GFRA1: variants seen among roughly 807,000 people sequenced by gnomAD.
The protein encoded by GFRA1 is GDNF family receptor alpha-1.
Under a neutral mutation model 51.6 loss-of-function variants are expected in GFRA1, and 16 were observed. The ratio of observed to expected loss-of-function variants is 0.31; its 90% CI spans 0.21 to 0.47. The LOEUF (loss-of-function observed/expected upper bound fraction) is 0.47. Among genes scored for constraint, GFRA1 ranks in the 20% least tolerant of loss-of-function variants. The pLI, the probability that GFRA1 is intolerant of heterozygous loss-of-function variation, is 1.00. For missense variants in GFRA1, 530 were observed against 594.3 expected (o/e 0.89, Z 1.13); for synonymous variants, 270 against 241.3 (o/e 1.12, Z -1.10).
chr10:116,147,267 T>C (rs1252445681), intron 5 of GFRA1, among the ~76,000 whole-genome samples: 2 of 151,534 alleles, frequency 1.3e-5, no homozygotes, highest in East Asian at 3.9e-4. Context: ...CTAATGGGAG[T>C]TCTGCAGAAA....
chr10:116,265,677 G>A (rs1258396848), intron 4 of GFRA1, among the ~76,000 whole-genome samples: 1 of 152,210 alleles, frequency 6.6e-6, no homozygotes, highest in Non-Finnish European at 1.5e-5. Flanking sequence ...ATGCTAAACA[G>A]TGCATTGCGC....
intron 9 of GFRA1, among the ~76,000 whole-genome samples, chr10:116,068,653 G>T (rs1319080845): frequency 6.6e-6 from 1 of 152,188 alleles, no homozygotes; most frequent in Non-Finnish European, 1.5e-5. Context: ...TACCTCTGCA[G>T]ATCCAGAGTC....
chr10:116,086,592 T>C (rs1956110024), intron 9 of GFRA1, among the ~76,000 whole-genome samples: 1 of 152,164 alleles, frequency 6.6e-6, no homozygotes, highest in Admixed American at 6.5e-5. Context: ...AAGGGGCTCA[T>C]GCAGGTCGTC....
chr10:116,135,542 T>A (rs192516540), intron 5 of GFRA1, among the ~76,000 whole-genome samples: 1 of 152,236 alleles, frequency 6.6e-6, no homozygotes, highest in African/African-American at 2.4e-5. Flanking sequence ...TTCTAAAATA[T>A]GCATGTCTCC....
At position 116,184,031 on chromosome 10, in the gene GFRA1, G is replaced by A. The variant is rs545208728; in HGVS notation, c.433+27600C>T. Among the ~76,000 whole-genome samples, 46 of 152,350 alleles carry A rather than the reference G, an allele frequency of 3.0e-4. 1 individual carries two copies. The highest frequency in any genetic ancestry group is 9.6e-4 in the African/African-American group (40 of 41,582). ...CTCCAGGGCACTGGCTGCTGGAAGT[G>A]CTTCCCGAGGCTGCATGGAACATTT... On this transcript the variant is annotated intron_variant, in intron 5 of 10. Coordinates refer to ENST00000355422, the MANE Select transcript of GFRA1 (RefSeq NM_005264.8).
At chr10:116,163,079 A>T (rs1431240307) in intron 5 of GFRA1, among the ~76,000 whole-genome samples, 2 of 151,984 alleles carry the variant, frequency 1.3e-5, no homozygotes, top group Admixed American at 6.6e-5. Context: ...ACTCTTAATC[A>T]CCCCAGGCCT....
chr10:116,138,874 T>G (rs1427369347), intron 5 of GFRA1, among the ~76,000 whole-genome samples: 1 of 152,194 alleles, frequency 6.6e-6, no homozygotes, highest in Non-Finnish European at 1.5e-5. Context: ...GTATAACTCT[T>G]GTTAGATTCC....
intron 6 of GFRA1, among the ~76,000 whole-genome samples, chr10:116,116,545 A>T (rs188817737): frequency 6.6e-6 from 1 of 152,318 alleles, no homozygotes; most frequent in Non-Finnish European, 1.5e-5. Context: ...CATGCCTGGG[A>T]GGGGGTGCAC....
chr10:116,219,051 C>A (rs881042), intron 4 of GFRA1, among the ~76,000 whole-genome samples: 1 of 151,918 alleles, frequency 6.6e-6, no homozygotes, highest in East Asian at 1.9e-4. Flanking sequence ...GCTACATTTA[C>A]TAGGGAATGT....
chr10:116,223,615 A>G (rs934419648), intron 4 of GFRA1, among the ~76,000 whole-genome samples: 2 of 152,166 alleles, frequency 1.3e-5, no homozygotes, highest in Non-Finnish European at 2.9e-5. Flanking sequence ...AGCTGAGAAC[A>G]CCTTGCAAAA....
chr10:116,255,668 C>T, intron 4 of GFRA1: 1 of 1,287,952 alleles, frequency 7.8e-7, no homozygotes, highest in East Asian at 5.6e-5. Context: ...ACATTCCGGT[C>T]TCTGCCATCC....
chr10:116,265,164 G>T (rs964622651), intron 4 of GFRA1, among the ~76,000 whole-genome samples: 3 of 152,162 alleles, frequency 2.0e-5, no homozygotes, highest in Non-Finnish European at 4.4e-5. Flanking sequence ...ACTTGGGAAC[G>T]AATCTGGAGA....
At chr10:116,105,844 A>T (rs1220694658) in intron 6 of GFRA1, among the ~76,000 whole-genome samples, 1 of 152,216 alleles carries the variant, frequency 6.6e-6, no homozygotes, top group African/African-American at 2.4e-5. Flanking sequence ...GGCAGGCAGA[A>T]TGCCTACCTT....
Position 116,272,178 on chromosome 10 carries a change from C to T in GFRA1, c.-149G>A, listed in dbSNP as rs1321934833. 5.4e-6 allele frequency: 4 copies of T among 744,608 alleles called. No individual in the cohort carries two copies. The highest frequency in any genetic ancestry group is 9.1e-6 in the Non-Finnish European group (4 of 437,556). 46.1% of individuals were successfully genotyped at this position (744,608 alleles called of 1,614,324 possible). Reference sequence around the variant, plus strand: ...CAGCTCCATCCAGTGAAAGAGGAAACTCCGGGTCTGGCAGCAGCCACCGCC... The same window carrying T: ...CAGCTCCATCCAGTGAAAGAGGAAATTCCGGGTCTGGCAGCAGCCACCGCC... On this transcript the variant is annotated 5_prime_UTR_variant, in exon 2 of 11. Coordinates refer to ENST00000355422, the MANE Select transcript of GFRA1 (RefSeq NM_005264.8). The surrounding 1 kb of genome is among the most constrained non-coding windows in gnomAD (Gnocchi z 4.4).
At chr10:116,217,741 A>AT (rs1396711425) in intron 4 of GFRA1, among the ~76,000 whole-genome samples, 5 of 152,150 alleles carry the variant, frequency 3.3e-5, no homozygotes, top group African/African-American at 1.2e-4. Flanking sequence ...CCAAGCCTTG[A>AT]TTTTCTCATC....
chr10:116,202,169 C>T (rs554472534), intron 5 of GFRA1, among the ~76,000 whole-genome samples: 32 of 152,204 alleles, frequency 2.1e-4, no homozygotes, highest in South Asian at 2.1e-4. Context: ...GGAGCTCAAT[C>T]GGGTGTGGGA....
At chr10:116,128,276 T>G (rs1957955891) in intron 5 of GFRA1, among the ~76,000 whole-genome samples, 1 of 152,248 alleles carries the variant, frequency 6.6e-6, no homozygotes, top group Non-Finnish European at 1.5e-5. Flanking sequence ...GTTGTTTTCA[T>G]AGTTGTGTAA....
chr10:116,169,549 G>T (rs1960827411), intron 5 of GFRA1, among the ~76,000 whole-genome samples: 1 of 152,226 alleles, frequency 6.6e-6, no homozygotes, highest in African/African-American at 2.4e-5. Context: ...GGAGAGAAGA[G>T]AAGAAGTGTC....
chr10:116,180,720 T>C (rs1424131240), intron 5 of GFRA1, among the ~76,000 whole-genome samples: 3 of 152,148 alleles, frequency 2.0e-5, no homozygotes, highest in African/African-American at 7.2e-5. Flanking sequence ...AAGAGCTCTG[T>C]TTGGGTTTTG....
Sources: allele counts gnomAD v4.1 joint callset (sites outside exome capture counted in the v4.1 genomes callset), GRCh38; gene constraint gnomAD v4.1.1; non-coding constraint Gnocchi (gnomAD v3.1); transcripts MANE v1.5; gene names NCBI Gene and HGNC (gene_info 2026-07-23, HGNC 2026-07-21).